Variants in CA10 observed in about 807,000 individuals in gnomAD.
The protein encoded by CA10 is carbonic anhydrase 10 (inactive), also known as carbonic anhydrase-related protein 10.
Under a neutral mutation model 44.2 loss-of-function variants are expected in CA10, and 14 were observed. That is an observed-to-expected ratio of 0.32 (90% CI 0.21 to 0.50). The LOEUF is 0.50. CA10 is among the 20% of genes least tolerant of loss of function. The probability of loss-of-function intolerance (pLI) is 0.99; values close to 1 mark genes in which losing one functional copy is unlikely to be tolerated. For synonymous variants in CA10, 159 were observed against 141.6 expected, an observed-to-expected ratio of 1.12 and a Z score of -0.87; for missense variants, 350 against 409.7, an observed-to-expected ratio of 0.85 and a Z score of 1.26.
intron 1 of CA10, among the ~76,000 whole-genome samples, chr17:52,141,533 G>A (rs1989479204): frequency 6.6e-6 from 1 of 152,178 alleles, no homozygotes; most frequent in South Asian, 2.1e-4. Context: ...GAGAATACAT[G>A]TTTTAGGCTT....
intron 3 of CA10, among the ~76,000 whole-genome samples, chr17:51,831,725 A>AGCCGCCGCC (rs1908278309): frequency 7.9e-6 from 1 of 126,058 alleles, no homozygotes; most frequent in African/African-American, 3.0e-5. Flanking sequence ...CAGCAGCAGC[A>AGCCGCCGCC]GCAGCAGAAA....
Position 52,086,397 on chromosome 17 carries a change from C to T in CA10, c.62-14004G>A, listed in dbSNP as rs115591283. ...ATCTGCAATACAAGACTTCAAAGGC[C>T]GCTATGCTGTGTAGGTCAAGCCAGA... On this transcript the variant is annotated intron_variant, in intron 1 of 8. Coordinates refer to ENST00000451037, the MANE Select transcript of CA10 (RefSeq NM_020178.5). Among the ~76,000 whole-genome samples the T allele has an allele frequency of 2.3e-3, 352 of 152,278 alleles. 1 individual carries two copies. The highest frequency in any genetic ancestry group is 8.0e-3 in the African/African-American group (332 of 41,564).
rs1597951155 is a variant in CA10 at position 51,633,473 on chromosome 17, C to T, written c.964+3G>A. On this transcript the variant is annotated splice_donor_region_variant and intron_variant, in intron 8 of 8. Transcript: ENST00000451037. Reference sequence around the variant, plus strand: ...CCTCCACTCTCTGAGCCACCAAACCCACCTCTATACTGAAGCTTCTGGGCT... The same window carrying T: ...CCTCCACTCTCTGAGCCACCAAACCTACCTCTATACTGAAGCTTCTGGGCT... 1 of 1,609,280 alleles carries T rather than the reference C, an allele frequency of 6.2e-7. No individual in the cohort carries two copies. Among genetic ancestry groups the T allele is most frequent in the South Asian group, 1.1e-5 (1 of 90,020 alleles).
At chr17:51,751,304 G>A (rs1904882146) in intron 3 of CA10, among the ~76,000 whole-genome samples, 1 of 152,170 alleles carries the variant, frequency 6.6e-6, no homozygotes. Context: ...TGAGTATAAA[G>A]TTTCAGTTTT....
intron 3 of CA10, among the ~76,000 whole-genome samples, chr17:51,754,424 T>TG (rs1246667480): frequency 1.2e-5 from 1 of 81,918 alleles, no homozygotes; most frequent in African/African-American, 3.8e-5. Context: ...TATATATATA[T>TG]ATATATATAT....
chr17:52,041,071 G>T (rs953503164), intron 2 of CA10, among the ~76,000 whole-genome samples: 1 of 152,038 alleles, frequency 6.6e-6, no homozygotes, highest in African/African-American at 2.4e-5. Flanking sequence ...GCCTTAGAAT[G>T]ATTTCTGGAA....
At chr17:51,867,933 A>G (rs1467380657) in intron 3 of CA10, among the ~76,000 whole-genome samples, 2 of 152,224 alleles carry the variant, frequency 1.3e-5, no homozygotes, top group Non-Finnish European at 2.9e-5. Context: ...TGAATTCTGC[A>G]TAAAATGTAA....
At chr17:51,931,210 A>C (rs543332665) in intron 2 of CA10, 78 bp from the exon 3 acceptor site, 2 of 1,395,798 alleles carry the variant, frequency 1.4e-6, no homozygotes, top group African/African-American at 1.4e-5. Context: ...AGCTATGTAC[A>C]AACGTGGTAA....
intron 3 of CA10, among the ~76,000 whole-genome samples, chr17:51,921,129 G>A (rs910776861): frequency 5.9e-5 from 9 of 152,136 alleles, no homozygotes; most frequent in Non-Finnish European, 4.4e-5. Context: ...TTCCAGGATG[G>A]CTGCAAGCAA....
intron 3 of CA10, among the ~76,000 whole-genome samples, chr17:51,807,779 C>A (rs569897713): frequency 6.6e-6 from 1 of 152,276 alleles, no homozygotes; most frequent in South Asian, 2.1e-4. Context: ...GTCCAGACTA[C>A]ATGATTTCAC....
intron 3 of CA10, among the ~76,000 whole-genome samples, chr17:51,828,005 T>G (rs1908093450): frequency 6.6e-6 from 1 of 152,226 alleles, no homozygotes; most frequent in African/African-American, 2.4e-5. Context: ...GGCAGCCACT[T>G]CTTCAGCCTC....
chr17:51,696,690 G>T (rs1567807213), intron 4 of CA10, among the ~76,000 whole-genome samples: 1 of 152,022 alleles, frequency 6.6e-6, no homozygotes, highest in Non-Finnish European at 1.5e-5. Context: ...GTTAATCTGA[G>T]ATCTTTCTAT....
intron 5 of CA10, among the ~76,000 whole-genome samples, chr17:51,651,762 A>T (rs1326800007): frequency 1.3e-5 from 2 of 152,192 alleles, no homozygotes; most frequent in Admixed American, 6.5e-5. Flanking sequence ...AAGTTTTCAG[A>T]CACATGAGGT....
intron 4 of CA10, among the ~76,000 whole-genome samples, chr17:51,704,734 T>C (rs1207585785): frequency 6.6e-6 from 1 of 152,126 alleles, no homozygotes; most frequent in Non-Finnish European, 1.5e-5. Flanking sequence ...GAGGCGACAG[T>C]GGTGGATCAC....
At chr17:52,157,701 C>G (rs372020862) in intron 1 of CA10, 25 bp downstream of exon 1, 1 of 1,609,282 alleles carries the variant, frequency 6.2e-7, no homozygotes. Flanking sequence ...TCCAAATCAG[C>G]CAGTGACTTC....
intron 6 of CA10, 142 bp from the exon 7 acceptor site, chr17:51,636,151 T>C (rs1912818823): frequency 2.2e-6 from 1 of 457,020 alleles, no homozygotes; most frequent in South Asian, 8.0e-5. Context: ...TCTTTTGGAA[T>C]TCCAGAAGAC....
intron 4 of CA10, among the ~76,000 whole-genome samples, chr17:51,694,010 G>T (rs965408842): frequency 6.6e-5 from 10 of 152,106 alleles, no homozygotes; most frequent in African/African-American, 2.4e-4. Context: ...TTCGAGACCA[G>T]CCTGACCAAC....
chr17:51,993,280 C>T (rs756529565), intron 2 of CA10, among the ~76,000 whole-genome samples: 16 of 152,232 alleles, frequency 1.1e-4, no homozygotes, highest in Non-Finnish European at 2.1e-4. Context: ...GTATGAAGCA[C>T]TGCTGATTAA....
At chr17:51,789,748 T>C (rs1416050719) in intron 3 of CA10, among the ~76,000 whole-genome samples, 1 of 152,204 alleles carries the variant, frequency 6.6e-6, no homozygotes, top group Non-Finnish European at 1.5e-5. Context: ...CAGGTGCTCA[T>C]GACACTCACA....
Sources: allele counts gnomAD v4.1 joint callset (sites outside exome capture counted in the v4.1 genomes callset), GRCh38; gene constraint gnomAD v4.1.1; transcripts MANE v1.5; gene names NCBI Gene and HGNC (gene_info 2026-07-23, HGNC 2026-07-21).